Variants in ANO2 observed in about 807,000 individuals in gnomAD.
ANO2 encodes the protein anoctamin-2.
Under a neutral mutation model 124.2 loss-of-function variants are expected in ANO2, and 101 were observed. The observed-to-expected ratio is 0.81, with a 90% CI of 0.69 to 0.96. The LOEUF is 0.96. Ranked by LOEUF, ANO2 falls within the 40% of genes least tolerant of loss-of-function variation. The probability of loss-of-function intolerance (pLI) is 0.00; values close to 1 mark genes in which losing one functional copy is unlikely to be tolerated. For synonymous variants in ANO2, 486 were observed against 482.5 expected (o/e 1.01, Z -0.09); for missense variants, 1,293 against 1,274.5 (o/e 1.01, Z -0.22).
chr12:5,723,885 A>C (rs1168674721), intron 14 of ANO2, among the ~76,000 whole-genome samples: 1 of 152,114 alleles, frequency 6.6e-6, no homozygotes, highest in Non-Finnish European at 1.5e-5. Context: ...AGGACTGCAG[A>C]GCTGAACCAA....
At chr12:5,796,584 C>A (rs1401327709) in intron 10 of ANO2, among the ~76,000 whole-genome samples, 1 of 152,156 alleles carries the variant, frequency 6.6e-6, no homozygotes, top group Non-Finnish European at 1.5e-5. Context: ...CACACTCAGG[C>A]CTGCAGGCCC....
intron 14 of ANO2, among the ~76,000 whole-genome samples, chr12:5,694,245 C>CAGAGAGAG (rs1225218630): frequency 6.0e-5 from 3 of 50,176 alleles, no homozygotes; most frequent in Non-Finnish European, 8.8e-5. Context: ...AAGGGTTTAC[C>CAGAGAGAG]AGAGACAGAG....
rs1318667929 is a variant in ANO2 at position 5,583,860 on chromosome 12, A to G, written c.2234-5342T>C. On this transcript the variant is annotated intron_variant, in intron 20 of 24. Coordinates refer to ENST00000682330, the MANE Select transcript of ANO2 (RefSeq NM_001364791.2). Reference sequence around the variant, plus strand: ...CCAGAGGGGAGTGCAGAATATCATCATGGTGAACAAAGATGGCATTCCCAT... The same window carrying G: ...CCAGAGGGGAGTGCAGAATATCATCGTGGTGAACAAAGATGGCATTCCCAT... 4 of 192,366 alleles carry G rather than the reference A, an allele frequency of 2.1e-5. No individual in the cohort carries two copies. In the East Asian group the frequency reaches 4.5e-4, roughly 22 times the overall value. 11.9% of individuals were successfully genotyped at this position (192,366 alleles called of 1,614,324 possible).
chr12:5,653,223 G>A (rs1946994903), intron 14 of ANO2, among the ~76,000 whole-genome samples: 1 of 151,832 alleles, frequency 6.6e-6, no homozygotes, highest in East Asian at 1.9e-4. Flanking sequence ...ATCGTCACTG[G>A]CCACTTCATT....
Position 5,599,457 on chromosome 12 carries a change from G to T in ANO2, c.2233+27C>A, listed in dbSNP as rs371050558. On this transcript the variant is annotated intron_variant, in intron 20 of 24. Transcript: ENST00000682330. ...GACCCCTTGTCTGAACCTGCCCCCAGTGGAAGGCAGGACCATGGGTTCTCA... is the reference window on the plus strand; with the variant it reads ...GACCCCTTGTCTGAACCTGCCCCCATTGGAAGGCAGGACCATGGGTTCTCA... 3.2e-6 allele frequency: 5 copies of T among 1,580,774 alleles called. No individual in the cohort carries two copies. In the African/African-American group the frequency reaches 6.9e-5, roughly 22 times the overall value.
intron 3 of ANO2, among the ~76,000 whole-genome samples, chr12:5,857,554 T>A (rs901116553): frequency 5.9e-5 from 9 of 152,190 alleles, no homozygotes; most frequent in African/African-American, 2.2e-4. Context: ...GTCTTTTTTA[T>A]AATAGCCATT....
chr12:5,796,875 A>G (rs1952879426), intron 10 of ANO2, among the ~76,000 whole-genome samples: 1 of 152,238 alleles, frequency 6.6e-6, no homozygotes, highest in South Asian at 2.1e-4. Context: ...CTCCTGCCCC[A>G]TGAGCTCTCA....
chr12:5,566,127 C>G (rs545697097), intron 23 of ANO2, among the ~76,000 whole-genome samples: 1 of 152,164 alleles, frequency 6.6e-6, no homozygotes, highest in Admixed American at 6.5e-5. Flanking sequence ...CTTCCCCTTC[C>G]AGATGCTTCA....
intron 15 of ANO2, among the ~76,000 whole-genome samples, chr12:5,644,903 A>T (rs1010694582): frequency 6.6e-6 from 1 of 152,200 alleles, no homozygotes; most frequent in Non-Finnish European, 1.5e-5. Context: ...CTGACTTCCA[A>T]TGTGCTATAA....
intron 6 of ANO2, among the ~76,000 whole-genome samples, chr12:5,828,568 T>C (rs1954060342): frequency 6.6e-6 from 1 of 152,216 alleles, no homozygotes; most frequent in East Asian, 1.9e-4. Flanking sequence ...TGAAGATTCA[T>C]GTCTTAGAGC....
At chr12:5,655,275 T>C (rs912918638) in intron 14 of ANO2, among the ~76,000 whole-genome samples, 3 of 152,208 alleles carry the variant, frequency 2.0e-5, no homozygotes, top group African/African-American at 7.2e-5. Flanking sequence ...TGACTGCCAG[T>C]CTTTCCGCCT....
At position 5,827,791 on chromosome 12, in the gene ANO2, G is replaced by A. The variant is rs1427164708; in HGVS notation, c.870C>T (p.Cys290=). ...IVHEILKRTA[C]SRANNTMGIN... The stretch of plus-strand genomic sequence containing the variant: ...TACCCATCGTGTTGTTGGCTCGGGA[G>A]CAGGCTGTGCGCTTCAGGATCTCGT... The change falls in exon 7 of 25, where the codon TGC becomes TGT. Residue 290 remains cysteine, a synonymous_variant. Transcript: ENST00000682330. The A allele has an allele frequency of 1.2e-5, 20 of 1,611,776 alleles. No homozygotes were observed. The highest frequency in any genetic ancestry group is 1.7e-5 in the Non-Finnish European group (20 of 1,179,132).
chr12:5,897,021 G>A (rs1407606951), intron 3 of ANO2, among the ~76,000 whole-genome samples: 1 of 152,150 alleles, frequency 6.6e-6, no homozygotes, highest in Non-Finnish European at 1.5e-5. Context: ...TGACTGTAAA[G>A]TCACTCCTTA....
chr12:5,842,672 C>T (rs1054641993), intron 4 of ANO2, among the ~76,000 whole-genome samples: 13 of 152,174 alleles, frequency 8.5e-5, no homozygotes, highest in African/African-American at 3.1e-4. Context: ...GCTGATAAAA[C>T]GGTTTAGATT....
intron 16 of ANO2, among the ~76,000 whole-genome samples, chr12:5,634,918 A>G (rs1273900007): frequency 2.0e-5 from 3 of 152,206 alleles, no homozygotes. Flanking sequence ...GAGGCAATCA[A>G]CACAGGCCAG....
chr12:5,823,077 A>G (rs1032850531), intron 7 of ANO2, among the ~76,000 whole-genome samples: 6 of 152,206 alleles, frequency 3.9e-5, no homozygotes, highest in African/African-American at 1.2e-4. Flanking sequence ...TGGGAGATAC[A>G]ATTCAAGTTG....
At chr12:5,792,440 T>G (rs1952725305) in intron 10 of ANO2, among the ~76,000 whole-genome samples, 1 of 151,934 alleles carries the variant, frequency 6.6e-6, no homozygotes, top group Admixed American at 6.6e-5. Flanking sequence ...AGCCTGGTTA[T>G]GTTTTCTTTA....
intron 10 of ANO2, among the ~76,000 whole-genome samples, chr12:5,782,085 G>A (rs760214833): frequency 2.6e-5 from 4 of 152,010 alleles, no homozygotes; most frequent in Non-Finnish European, 5.9e-5. Flanking sequence ...TCTCCTTTTC[G>A]TTTTGTCAAC....
intron 10 of ANO2, among the ~76,000 whole-genome samples, chr12:5,793,095 A>C (rs1386008813): frequency 1.3e-5 from 2 of 152,176 alleles, no homozygotes; most frequent in Non-Finnish European, 2.9e-5. Flanking sequence ...TGTTGTTGAC[A>C]CAATTGTTGT....
Sources: allele counts gnomAD v4.1 joint callset (sites outside exome capture counted in the v4.1 genomes callset), GRCh38; gene constraint gnomAD v4.1.1; transcripts MANE v1.5; gene names NCBI Gene and HGNC (gene_info 2026-07-23, HGNC 2026-07-21).